Variants in TACC2 observed in about 807,000 individuals in gnomAD.
TACC2 encodes transforming acidic coiled-coil-containing protein 2.
TACC2 carries 137 observed loss-of-function variants against 227.3 expected under a neutral mutation model. That is an observed-to-expected ratio of 0.60 (90% CI 0.52 to 0.69). The LOEUF (loss-of-function observed/expected upper bound fraction) is 0.69. TACC2 is among the 30% of genes least tolerant of loss of function. The pLI is 0.00. For missense variants in TACC2, 3,470 were observed against 3,694.4 expected, an observed-to-expected ratio of 0.94 and a Z score of 1.57; for synonymous variants, 1,523 against 1,487.5, an observed-to-expected ratio of 1.02 and a Z score of -0.55.
chr10:122,237,939 C>T (rs748931071), intron 17 of TACC2, 22 bp from the exon 18 acceptor site: 2 of 1,592,260 alleles, frequency 1.3e-6, no homozygotes, highest in Non-Finnish European at 1.7e-6. Context: ...GCTAACCTTT[C>T]TCTTCTTCTC....
intron 1 of TACC2, among the ~76,000 whole-genome samples, chr10:122,017,876 T>C (rs1232560265): frequency 6.7e-6 from 1 of 148,546 alleles, no homozygotes; most frequent in Non-Finnish European, 1.5e-5. Context: ...AATTCTTCTG[T>C]GGTTTTTTTG....
chr10:122,184,192 CG>C (rs1269755739), intron 7 of TACC2, among the ~76,000 whole-genome samples: 1 of 152,134 alleles, frequency 6.6e-6, no homozygotes, highest in Non-Finnish European at 1.5e-5. Flanking sequence ...CACTTGGAAT[CG>C]GAAGGACACT....
chr10:122,222,730 G>A (rs928131004), intron 11 of TACC2, among the ~76,000 whole-genome samples: 3 of 152,264 alleles, frequency 2.0e-5, no homozygotes, highest in Non-Finnish European at 2.9e-5. Context: ...CCGGGCACTC[G>A]CCCGGGGCCA....
chr10:122,172,547 G>A (rs188876562), intron 7 of TACC2, among the ~76,000 whole-genome samples: 1 of 152,230 alleles, frequency 6.6e-6, no homozygotes, highest in East Asian at 1.9e-4. Flanking sequence ...GCCTACAGTG[G>A]TCTGGAAGTA....
chr10:122,096,789 C>T (rs2081489658), intron 5 of TACC2, among the ~76,000 whole-genome samples: 2 of 152,118 alleles, frequency 1.3e-5, no homozygotes, highest in African/African-American at 2.4e-5. Flanking sequence ...CTGCACTGTT[C>T]TTGTCCCGAA....
intron 16 of TACC2, among the ~76,000 whole-genome samples, chr10:122,231,814 C>G (rs1206925746): frequency 6.6e-6 from 1 of 152,164 alleles, no homozygotes; most frequent in African/African-American, 2.4e-5. Context: ...GCACTCCAGC[C>G]AAGGTGACAG....
At chr10:122,147,676 T>C (rs572546742) in intron 7 of TACC2, among the ~76,000 whole-genome samples, 1 of 152,374 alleles carries the variant, frequency 6.6e-6, no homozygotes, top group South Asian at 2.1e-4. Flanking sequence ...TTCTTTGGGT[T>C]ATAACCCAAT....
At chr10:122,005,195 C>T (rs1263067115) in intron 1 of TACC2, among the ~76,000 whole-genome samples, 1 of 151,738 alleles carries the variant, frequency 6.6e-6, no homozygotes, top group Non-Finnish European at 1.5e-5. Flanking sequence ...GATTCTCCTG[C>T]CTCAGCCTCC....
chr10:122,163,367 T>G, intron 7 of TACC2: 1 of 161,018 alleles, frequency 6.2e-6, no homozygotes, highest in Non-Finnish European at 1.3e-5. Flanking sequence ...ACCACGCCCC[T>G]CCTTTCTAGG....
Position 122,087,002 on chromosome 10 carries a change from C to T in TACC2, c.4502C>T (p.Ala1501Val). 4.3e-6 allele frequency: 7 copies of T among 1,613,936 alleles called. No individual in the cohort carries two copies. Among genetic ancestry groups the T allele is most frequent in the Non-Finnish European group, 5.9e-6 (7 of 1,180,044 alleles). ...DPASDKLLGPAGLTWERNLPG... is the reference protein window; with the variant it reads ...DPASDKLLGPVGLTWERNLPG... ...GCTTCAGACAAGCTTCTGGGTCCAG[C>T]AGGGCTGACCTGGGAGCGGAACTTG... Residue 1501 changes from alanine to valine, a missense_variant, in exon 4 of 23, where the codon GCA (alanine) becomes GTA (valine). Transcript: ENST00000369005.
intron 2 of TACC2, among the ~76,000 whole-genome samples, chr10:122,046,820 G>C (rs374593479): frequency 4.4e-4 from 67 of 152,220 alleles, no homozygotes; most frequent in African/African-American, 1.6e-3. Context: ...TGATTGAAAG[G>C]GGGGCCTGGC....
chr10:122,106,119 C>T (rs936858531), intron 5 of TACC2, among the ~76,000 whole-genome samples: 3 of 151,568 alleles, frequency 2.0e-5, no homozygotes, highest in African/African-American at 4.9e-5. Context: ...TCCCCAGTGG[C>T]TGGGTTTACA....
At chr10:122,146,387 A>C (rs139179047) in intron 7 of TACC2, among the ~76,000 whole-genome samples, 40 of 152,244 alleles carry the variant, frequency 2.6e-4, no homozygotes, top group Non-Finnish European at 5.6e-4. Flanking sequence ...TTCATGCTGA[A>C]ACTTAACCCC....
intron 7 of TACC2, among the ~76,000 whole-genome samples, chr10:122,177,373 A>T (rs897332123): frequency 6.6e-6 from 1 of 152,154 alleles, no homozygotes; most frequent in African/African-American, 2.4e-5. Flanking sequence ...AAACAATGAG[A>T]TGTTTGTGCA....
intron 1 of TACC2, among the ~76,000 whole-genome samples, chr10:122,009,446 G>C (rs1343976581): frequency 7.2e-5 from 11 of 152,136 alleles, no homozygotes; most frequent in Non-Finnish European, 1.3e-4. Flanking sequence ...AGAGGTTGCA[G>C]TGAGCAGAGA....
At chr10:122,090,154 G>A (rs2080589530) in intron 5 of TACC2, among the ~76,000 whole-genome samples, 1 of 151,612 alleles carries the variant, frequency 6.6e-6, no homozygotes, top group African/African-American at 2.4e-5. Flanking sequence ...AATATTTCAT[G>A]ACTTGTTGTT....
At chr10:122,238,661 G>A (rs1377338953) in intron 18 of TACC2, among the ~76,000 whole-genome samples, 1 of 152,066 alleles carries the variant, frequency 6.6e-6, no homozygotes, top group Non-Finnish European at 1.5e-5. Flanking sequence ...ATGTTGGCCA[G>A]GCTGGTCTCA....
chr10:122,164,125 G>A (rs1440984436), intron 7 of TACC2: 6 of 1,110,810 alleles, frequency 5.4e-6, no homozygotes, highest in African/African-American at 1.6e-5. Context: ...CGCAGCCTTG[G>A]AAAGCTTTAC....
intron 12 of TACC2, 98 bp from the exon 13 acceptor site, chr10:122,226,268 G>A: frequency 2.5e-6 from 2 of 785,226 alleles, no homozygotes; most frequent in Non-Finnish European, 4.3e-6. Context: ...TTCCCTGATG[G>A]GTTATTTGTT....
Sources: allele counts gnomAD v4.1 joint callset (sites outside exome capture counted in the v4.1 genomes callset), GRCh38; gene constraint gnomAD v4.1.1; transcripts MANE v1.5; gene names NCBI Gene and HGNC (gene_info 2026-07-23, HGNC 2026-07-21).